Variants in ACKR3 observed in about 807,000 individuals in gnomAD.
ACKR3 encodes C-X-C chemokine receptor type 7.
A neutral mutation model predicts 22.4 loss-of-function variants in ACKR3; 6 were observed. The ratio of observed to expected loss-of-function variants is 0.27; its 90% confidence interval spans 0.15 to 0.53. ACKR3 has a LOEUF of 0.53. Ranked by LOEUF, ACKR3 falls within the 20% of genes least tolerant of loss-of-function variation. The probability of loss-of-function intolerance (pLI) is 0.96; values close to 1 mark genes in which losing one functional copy is unlikely to be tolerated. For synonymous variants in ACKR3, 209 were observed against 205.2 expected, an observed-to-expected ratio of 1.02 and a Z score of -0.16; for missense variants, 396 against 475.2, an observed-to-expected ratio of 0.83 and a Z score of 1.55.
At chr2:236,571,754 A>G (rs1691316315) in intron 1 of ACKR3, among the ~76,000 whole-genome samples, 1 of 152,144 alleles carries the variant, frequency 6.6e-6, no homozygotes, top group Non-Finnish European at 1.5e-5. Flanking sequence ...GAAGTCACTC[A>G]AACCTGAGGC....
chr2:236,558,333 G>A, the ACKR3 span, among the ~76,000 whole-genome samples: 1 of 152,208 alleles, frequency 6.6e-6, no homozygotes, highest in Admixed American at 6.5e-5. Context: ...GCTAGGAAAT[G>A]GGTGGTAACT....
the ACKR3 span, among the ~76,000 whole-genome samples, chr2:236,537,385 C>T: frequency 1.3e-4 from 20 of 152,194 alleles, no homozygotes; most frequent in Admixed American, 9.8e-4. Flanking sequence ...AGGATTGTTA[C>T]CAGGGCTCCA....
chr2:236,553,747 C>T, the ACKR3 span, among the ~76,000 whole-genome samples: 3 of 152,372 alleles, frequency 2.0e-5, no homozygotes, highest in Middle Eastern at 3.4e-3. Context: ...CTGCGAACTG[C>T]GAGTGCTGGG....
At chr2:236,553,068 T>G in the ACKR3 span, among the ~76,000 whole-genome samples, 1 of 152,230 alleles carries the variant, frequency 6.6e-6, no homozygotes, top group Non-Finnish European at 1.5e-5. Flanking sequence ...AGGACTACCC[T>G]AATTTTGTCC....
chr2:236,557,504 C>T, the ACKR3 span, among the ~76,000 whole-genome samples: 3 of 152,050 alleles, frequency 2.0e-5, no homozygotes, highest in East Asian at 3.9e-4. Flanking sequence ...AGAATGATGG[C>T]CATATATTGA....
the ACKR3 span, among the ~76,000 whole-genome samples, chr2:236,555,173 C>T: frequency 6.6e-6 from 1 of 152,236 alleles, no homozygotes; most frequent in African/African-American, 2.4e-5. Context: ...CCTGACAGCC[C>T]TTCAAATACA....
chr2:236,539,499 G>A, the ACKR3 span, among the ~76,000 whole-genome samples: 2,360 of 151,616 alleles, frequency 0.016, 58 homozygotes, highest in African/African-American at 0.053. Flanking sequence ...TTTTAGTAGA[G>A]GTAGGGTTTC....
At chr2:236,542,522 A>G in the ACKR3 span, among the ~76,000 whole-genome samples, 1 of 152,156 alleles carries the variant, frequency 6.6e-6, no homozygotes, top group Non-Finnish European at 1.5e-5. Flanking sequence ...TTGCAATATC[A>G]TGTAGAGCAT....
chr2:236,572,781 T>C (rs1691335841), intron 1 of ACKR3, among the ~76,000 whole-genome samples: 1 of 152,176 alleles, frequency 6.6e-6, no homozygotes, highest in African/African-American at 2.4e-5. Context: ...CCAGATCAGG[T>C]TTCTGGACGT....
the ACKR3 span, among the ~76,000 whole-genome samples, chr2:236,549,947 C>A: frequency 1.3e-5 from 2 of 152,208 alleles, no homozygotes; most frequent in African/African-American, 4.8e-5. This position sits in a 1 kb window ranked among gnomAD's most constrained non-coding sequence, Gnocchi z 5.3. Flanking sequence ...GAATTTCTAG[C>A]TGTCTGGTGT....
the ACKR3 span, among the ~76,000 whole-genome samples, chr2:236,545,428 T>G: frequency 6.6e-6 from 1 of 152,356 alleles, no homozygotes; most frequent in African/African-American, 2.4e-5. This position sits in a 1 kb window ranked among gnomAD's most constrained non-coding sequence, Gnocchi z 5.3. Context: ...TCAGGGTTTC[T>G]ATTTGACATT....
At chr2:236,569,120 A>G (rs1314094022), upstream of ACKR3, among the ~76,000 whole-genome samples, 1 of 152,230 alleles carries the variant, frequency 6.6e-6, no homozygotes, top group East Asian at 1.9e-4. Context: ...CATCTCAGAA[A>G]AAGACATTAT....
the ACKR3 span, among the ~76,000 whole-genome samples, chr2:236,545,440 C>T: frequency 3.3e-5 from 5 of 152,228 alleles, no homozygotes; most frequent in African/African-American, 1.2e-4. The surrounding 1 kb of genome is among the most constrained non-coding windows in gnomAD (Gnocchi z 5.3). Context: ...TTTGACATTT[C>T]TTCCGCATTT....
At chr2:236,565,215 T>C (rs943462932), upstream of ACKR3, among the ~76,000 whole-genome samples, 1 of 151,988 alleles carries the variant, frequency 6.6e-6, no homozygotes, top group Non-Finnish European at 1.5e-5. Context: ...CCAGCTAGAA[T>C]AGAAGGCTCT....
chr2:236,559,864 ACTCT>A, the ACKR3 span, among the ~76,000 whole-genome samples: 1 of 152,000 alleles, frequency 6.6e-6, no homozygotes. Flanking sequence ...CTATTTTTGG[ACTCT>A]CTATTTTGTT....
chr2:236,580,986 G>T lies in ACKR3; in HGVS notation c.521G>T (p.Cys174Phe), dbSNP rs952711774. The change falls in exon 2 of 2, where the codon TGC (cysteine) becomes TTC (phenylalanine). Residue 174 changes from cysteine (C) to phenylalanine (F), a missense_variant. Physicochemically the swap from Cys to Phe is radical, Grantham distance 205. Transcript: ENST00000272928. ...VCILVWLLAF[C>F]VSLPDTYYLK... The stretch of plus-strand genomic sequence containing the variant: ...ATCCTGGTGTGGCTGCTGGCCTTCT[G>T]CGTGTCTCTGCCTGACACCTACTAC... 3.7e-6 allele frequency: 6 copies of T among 1,614,116 alleles called. No homozygotes were observed. In the Middle Eastern group the frequency reaches 4.9e-4, roughly 133 times the overall value.
At chr2:236,576,993 C>A (rs1474816289) in intron 1 of ACKR3, among the ~76,000 whole-genome samples, 1 of 152,208 alleles carries the variant, frequency 6.6e-6, no homozygotes, top group African/African-American at 2.4e-5. Flanking sequence ...ACCCCTGGAA[C>A]CTTTGGTGGT....
At chr2:236,573,657 A>C (rs1691353351) in intron 1 of ACKR3, among the ~76,000 whole-genome samples, 1 of 152,146 alleles carries the variant, frequency 6.6e-6, no homozygotes, top group African/African-American at 2.4e-5. Context: ...GCCTGGCCTG[A>C]GTTATCTTAT....
At chr2:236,570,385 T>C (rs1349387417) in intron 1 of ACKR3, among the ~76,000 whole-genome samples, 1 of 152,230 alleles carries the variant, frequency 6.6e-6, no homozygotes, top group Non-Finnish European at 1.5e-5. Flanking sequence ...AATTCCAGAA[T>C]GATGAACACT....
Sources: gnomAD v4.1 joint callset for allele counts (sites outside exome capture counted in the v4.1 genomes callset) on GRCh38, gnomAD v4.1.1 for gene constraint, Gnocchi (gnomAD v3.1) non-coding constraint, MANE v1.5 for transcripts, NCBI Gene and HGNC (gene_info 2026-07-23, HGNC 2026-07-21) for gene names.